LDB2: variants seen among roughly 807,000 people sequenced by gnomAD.
LDB2 encodes the protein LIM domain-binding protein 2.
LDB2 carries 12 observed loss-of-function variants against 44.3 expected under a neutral mutation model. That is an observed-to-expected ratio of 0.27 (90% confidence interval 0.17 to 0.44). LDB2 has a LOEUF of 0.44. Ranked by LOEUF, LDB2 falls within the 20% of genes least tolerant of loss-of-function variation. The pLI, the probability that LDB2 is intolerant of heterozygous loss-of-function variation, is 1.00. For synonymous variants in LDB2, 164 were observed against 174.8 expected (o/e 0.94, Z 0.49); for missense variants, 344 against 473.5 (o/e 0.73, Z 2.54).
intron 2 of LDB2, among the ~76,000 whole-genome samples, chr4:16,608,084 C>A (rs80118110): frequency 0.026 from 3,928 of 151,210 alleles, 60 homozygotes; most frequent in East Asian, 0.054. Context: ...ATTTTGAGTT[C>A]TGCTAGTAAA....
chr4:16,648,051 T>G (rs1737252349), intron 2 of LDB2, among the ~76,000 whole-genome samples: 1 of 152,192 alleles, frequency 6.6e-6, no homozygotes, highest in South Asian at 2.1e-4. Flanking sequence ...GAAGTGTAAC[T>G]TTTCTTGTAT....
At chr4:16,772,745 T>C (rs1770984037) in intron 1 of LDB2, among the ~76,000 whole-genome samples, 1 of 152,008 alleles carries the variant, frequency 6.6e-6, no homozygotes, top group Non-Finnish European at 1.5e-5. Context: ...CACAAAAAAC[T>C]AGGAACAATG....
At chr4:16,526,489 C>G (rs571542698) in intron 5 of LDB2, among the ~76,000 whole-genome samples, 50 of 152,330 alleles carry the variant, frequency 3.3e-4, no homozygotes, top group African/African-American at 1.2e-3. Flanking sequence ...CTGCAGAACT[C>G]CTCAGCCTCT....
chr4:16,824,209 TTGTG>T (rs1015471230), intron 1 of LDB2, among the ~76,000 whole-genome samples: 10 of 152,046 alleles, frequency 6.6e-5, no homozygotes, highest in Non-Finnish European at 5.9e-5. Context: ...AGGGGAGAGA[TTGTG>T]TGTGTGTATG....
At chr4:16,744,229 T>C (rs949681896) in intron 2 of LDB2, among the ~76,000 whole-genome samples, 9 of 152,138 alleles carry the variant, frequency 5.9e-5, no homozygotes, top group Admixed American at 1.3e-4. Context: ...GGATCTCAGC[T>C]CACTGCAACC....
intron 1 of LDB2, among the ~76,000 whole-genome samples, chr4:16,815,530 A>G (rs1159695462): frequency 1.3e-5 from 2 of 152,140 alleles, no homozygotes; most frequent in Admixed American, 6.5e-5. Context: ...TCTATTTTTC[A>G]CAAGCACTGA....
intron 2 of LDB2, among the ~76,000 whole-genome samples, chr4:16,702,127 A>C (rs1350714610): frequency 1.3e-5 from 2 of 152,228 alleles, no homozygotes; most frequent in Non-Finnish European, 2.9e-5. Context: ...GGAGGAGAAA[A>C]AAAGAAAATG....
At chr4:16,711,580 G>T (rs969389025) in intron 2 of LDB2, among the ~76,000 whole-genome samples, 1 of 152,200 alleles carries the variant, frequency 6.6e-6, no homozygotes, top group African/African-American at 2.4e-5. Flanking sequence ...AGGTCTCCCT[G>T]GATGCTGTGC....
At chr4:16,769,696 T>C (rs1436051771) in intron 1 of LDB2, among the ~76,000 whole-genome samples, 4 of 152,148 alleles carry the variant, frequency 2.6e-5, no homozygotes, top group African/African-American at 9.7e-5. Flanking sequence ...CTCAGCTAAA[T>C]TGCATTTTAT....
rs1383277648 is a variant in LDB2 at position 16,759,142 on chromosome 4, TA to T, written c.235+15del. 6.4e-7 allele frequency: 1 copy of T among 1,573,296 alleles called. No individual in the cohort carries two copies. The highest frequency in any genetic ancestry group is 8.7e-7 in the Non-Finnish European group (1 of 1,143,152). On this transcript the variant is annotated intron_variant, in intron 2 of 7. Coordinates refer to ENST00000304523, the MANE Select transcript of LDB2 (RefSeq NM_001290.5). ...ACAAAACGAGGTAATATTAGAAAAATAAACTTCTTTCTTACTGTATCGCTTT... is the reference window on the plus strand; with the variant it reads ...ACAAAACGAGGTAATATTAGAAAAATAACTTCTTTCTTACTGTATCGCTTT...
chr4:16,682,381 G>A (rs995440295), intron 2 of LDB2, among the ~76,000 whole-genome samples: 3 of 152,184 alleles, frequency 2.0e-5, no homozygotes, highest in Non-Finnish European at 2.9e-5. Flanking sequence ...ACCAGGCATC[G>A]TCAGCTGGCT....
chr4:16,851,933 T>C lies in LDB2; in HGVS notation c.132+46421A>G, dbSNP rs554120819. On this transcript the variant is annotated intron_variant, in intron 1 of 7. Coordinates refer to ENST00000304523, the MANE Select transcript of LDB2 (RefSeq NM_001290.5). ...CAAGTGCGTAGCAGCCAAAACATGGTGGAGATTAATGGCTGCCCAGTGTTC... is the reference window on the plus strand; with the variant it reads ...CAAGTGCGTAGCAGCCAAAACATGGCGGAGATTAATGGCTGCCCAGTGTTC... Among the ~76,000 whole-genome samples the C allele has an allele frequency of 2.0e-5, 3 of 152,152 alleles. No individual in the cohort carries two copies. In the East Asian group the frequency reaches 5.8e-4, roughly 29 times the overall value.
chr4:16,665,812 C>T (rs1289177061), intron 2 of LDB2, among the ~76,000 whole-genome samples: 5 of 152,222 alleles, frequency 3.3e-5, no homozygotes, highest in Admixed American at 6.5e-5. Context: ...GAGATCATCC[C>T]GGACTGGGGC....
chr4:16,757,816 A>G (rs1438873329), intron 2 of LDB2, among the ~76,000 whole-genome samples: 1 of 152,142 alleles, frequency 6.6e-6, no homozygotes. Context: ...GAGCAAGTTA[A>G]CTCAGCAGGA....
At chr4:16,694,656 G>A (rs1751672278) in intron 2 of LDB2, among the ~76,000 whole-genome samples, 2 of 152,198 alleles carry the variant, frequency 1.3e-5, no homozygotes, top group South Asian at 2.1e-4. Context: ...GGTGTGTGCG[G>A]GCTCTGGCAA....
intron 1 of LDB2, among the ~76,000 whole-genome samples, chr4:16,836,319 C>CTGGGAGGATAAACATGGATAA (rs1784877097): frequency 6.6e-6 from 1 of 152,124 alleles, no homozygotes; most frequent in Admixed American, 6.5e-5. Context: ...AAAAGTTTGG[C>CTGGGAGGATAAACATGGATAA]TGGGAGGATA....
intron 2 of LDB2, among the ~76,000 whole-genome samples, chr4:16,616,791 C>A (rs1255518985): frequency 6.6e-6 from 1 of 152,110 alleles, no homozygotes; most frequent in Non-Finnish European, 1.5e-5. Context: ...TCCCCTGACA[C>A]CACCCCATGT....
chr4:16,676,135 G>A (rs565471271), intron 2 of LDB2, among the ~76,000 whole-genome samples: 4 of 152,354 alleles, frequency 2.6e-5, no homozygotes, highest in South Asian at 2.1e-4. Flanking sequence ...ACCGCAGGGC[G>A]TGGAGGAGAG....
intron 2 of LDB2, among the ~76,000 whole-genome samples, chr4:16,614,680 C>T (rs1388777229): frequency 2.7e-5 from 4 of 149,804 alleles, no homozygotes; most frequent in African/African-American, 7.4e-5. Context: ...TACCAACAAA[C>T]GTGATAAAAA....
Sources: allele counts gnomAD v4.1 joint callset (sites outside exome capture counted in the v4.1 genomes callset), GRCh38; gene constraint gnomAD v4.1.1; transcripts MANE v1.5; gene names NCBI Gene and HGNC (gene_info 2026-07-23, HGNC 2026-07-21).